Variants in ROBO1 observed in about 807,000 individuals in gnomAD.
ROBO1 encodes roundabout homolog 1.
A neutral mutation model predicts 195.9 loss-of-function variants in ROBO1; 149 were observed. That is an observed-to-expected ratio of 0.76 (90% CI 0.67 to 0.87). The LOEUF (loss-of-function observed/expected upper bound fraction) is 0.87, where lower values mean the gene tolerates loss of function less well. ROBO1 is among the 40% of genes least tolerant of loss of function. The pLI, the probability that ROBO1 is intolerant of heterozygous loss-of-function variation, is 0.00. For synonymous variants in ROBO1, 816 were observed against 733.2 expected (o/e 1.11, Z -1.82); for missense variants, 1,933 against 2,068.3 (o/e 0.93, Z 1.27).
intron 1 of ROBO1, among the ~76,000 whole-genome samples, chr3:79,645,672 C>T (rs1362786207): frequency 6.6e-6 from 1 of 151,962 alleles, no homozygotes; most frequent in Non-Finnish European, 1.5e-5. Flanking sequence ...CCAAAGCAAC[C>T]CTGAGCAAAA....
intron 2 of ROBO1, among the ~76,000 whole-genome samples, chr3:79,321,398 CT>C (rs1158791265): frequency 2.0e-5 from 3 of 152,178 alleles, no homozygotes; most frequent in Non-Finnish European, 4.4e-5. Context: ...TACATGCTAT[CT>C]TTTGTGCTCT....
At chr3:79,660,375 T>G (rs1946294730) in intron 1 of ROBO1, among the ~76,000 whole-genome samples, 1 of 152,126 alleles carries the variant, frequency 6.6e-6, no homozygotes, top group Non-Finnish European at 1.5e-5. Context: ...TACAAGGCTA[T>G]GTTTCCAGAA....
chr3:78,962,823 CAAAAAAAA>C (rs770515270), intron 3 of ROBO1, among the ~76,000 whole-genome samples: 30 of 26,218 alleles, frequency 1.1e-3, no homozygotes, highest in African/African-American at 3.2e-3. Context: ...GACTCCATCT[CAAAAAAAA>C]AAAAAAAAAA....
At chr3:79,145,031 C>T (rs552540321) in intron 2 of ROBO1, among the ~76,000 whole-genome samples, 1 of 151,920 alleles carries the variant, frequency 6.6e-6, no homozygotes, top group South Asian at 2.1e-4. Flanking sequence ...AAGATTATTG[C>T]TCTTGTACAT....
chr3:78,726,197 A>C (rs961989979), intron 5 of ROBO1, among the ~76,000 whole-genome samples: 5 of 152,198 alleles, frequency 3.3e-5, no homozygotes, highest in African/African-American at 1.2e-4. Flanking sequence ...TTTTACATGC[A>C]AAATCTGTGC....
chr3:79,339,844 G>A (rs773703445), intron 2 of ROBO1, among the ~76,000 whole-genome samples: 1 of 152,172 alleles, frequency 6.6e-6, no homozygotes, highest in Non-Finnish European at 1.5e-5. Flanking sequence ...CAACTCTGGA[G>A]TTATTTAAAA....
chr3:79,260,915 G>A (rs2082927316), intron 2 of ROBO1, among the ~76,000 whole-genome samples: 1 of 151,972 alleles, frequency 6.6e-6, no homozygotes, highest in Admixed American at 6.6e-5. Flanking sequence ...AGTGAACTCT[G>A]CTCAATTCTA....
intron 2 of ROBO1, among the ~76,000 whole-genome samples, chr3:79,313,352 C>G (rs1368820007): frequency 6.6e-6 from 1 of 152,114 alleles, no homozygotes; most frequent in South Asian, 2.1e-4. Context: ...GATTTAAAAG[C>G]CCCATCCTAT....
chr3:79,492,745 A>T (rs1192047728), intron 2 of ROBO1, among the ~76,000 whole-genome samples: 3 of 152,108 alleles, frequency 2.0e-5, no homozygotes, highest in Non-Finnish European at 2.9e-5. Flanking sequence ...ATGTATTAGC[A>T]TTGCATGAAT....
chr3:78,635,239 CA>C (rs1705424369), intron 23 of ROBO1, among the ~76,000 whole-genome samples: 1 of 152,044 alleles, frequency 6.6e-6, no homozygotes, highest in Non-Finnish European at 1.5e-5. Context: ...TCAGGTCAAC[CA>C]AGGAAATTTA....
At position 78,661,274 on chromosome 3, in the gene ROBO1, C is replaced by T. The variant is rs771147075; in HGVS notation, c.2089-13G>A. ...ACTGTTGATCTACCTATTAAAAAGA[C>T]AAGTAAAATGTAATTATTCATATTA... On this transcript the variant is annotated splice_polypyrimidine_tract_variant and intron_variant, in intron 15 of 30. Coordinates refer to ENST00000464233, the MANE Select transcript of ROBO1 (RefSeq NM_002941.4). 1.4e-6 allele frequency: 2 copies of T among 1,414,100 alleles called. No homozygotes were observed. The highest frequency in any genetic ancestry group is 3.0e-5 in the South Asian group (2 of 66,626). 87.6% of individuals were successfully genotyped at this position (1,414,100 alleles called of 1,614,324 possible). A position where few individuals can be genotyped will look rare whatever the true frequency, so the allele number is the denominator to read the frequency against.
At chr3:78,712,311 T>C (rs1221563934) in intron 8 of ROBO1, among the ~76,000 whole-genome samples, 4 of 152,164 alleles carry the variant, frequency 2.6e-5, no homozygotes, top group Non-Finnish European at 2.9e-5. Context: ...CGGAAAGTTT[T>C]TTAACAATAC....
chr3:78,634,937 ATGTC>A (rs1207179611), intron 23 of ROBO1, among the ~76,000 whole-genome samples: 1 of 152,130 alleles, frequency 6.6e-6, no homozygotes, highest in African/African-American at 2.4e-5. Context: ...CCTAAAGAAA[ATGTC>A]TATGTCTCCA....
At chr3:79,571,823 A>G (rs908437665) in intron 2 of ROBO1, among the ~76,000 whole-genome samples, 4 of 152,082 alleles carry the variant, frequency 2.6e-5, no homozygotes, top group Non-Finnish European at 4.4e-5. Context: ...CAACAGCACT[A>G]TAGTATCTAC....
intron 2 of ROBO1, among the ~76,000 whole-genome samples, chr3:79,125,977 T>C (rs2080208524): frequency 6.6e-6 from 1 of 152,088 alleles, no homozygotes; most frequent in Non-Finnish European, 1.5e-5. Flanking sequence ...TCCTGGCAAT[T>C]ACAGACTCCA....
intron 3 of ROBO1, among the ~76,000 whole-genome samples, chr3:78,967,403 A>C (rs528337465): frequency 4.9e-4 from 73 of 149,974 alleles, no homozygotes; most frequent in African/African-American, 1.0e-3. Flanking sequence ...TTCCAAGCCA[A>C]GCCTAGTTCC....
intron 2 of ROBO1, among the ~76,000 whole-genome samples, chr3:79,298,808 A>C (rs2032733212): frequency 6.6e-6 from 1 of 152,164 alleles, no homozygotes; most frequent in African/African-American, 2.4e-5. Flanking sequence ...TATATTACTG[A>C]AGGAATTTAC....
chr3:78,739,676 T>C (rs1461071951), intron 5 of ROBO1, among the ~76,000 whole-genome samples: 2 of 152,154 alleles, frequency 1.3e-5, no homozygotes, highest in African/African-American at 4.8e-5. Flanking sequence ...GTGTCATCTT[T>C]TAAAAAACTA....
chr3:78,747,212 A>G (rs941993374), intron 4 of ROBO1, among the ~76,000 whole-genome samples: 20 of 152,006 alleles, frequency 1.3e-4, no homozygotes, highest in African/African-American at 4.3e-4. Flanking sequence ...TGCTGCCTAC[A>G]TTTTTCTCAG....
Sources: gnomAD v4.1 joint callset for allele counts (sites outside exome capture counted in the v4.1 genomes callset) on GRCh38, gnomAD v4.1.1 for gene constraint, MANE v1.5 for transcripts, NCBI Gene and HGNC (gene_info 2026-07-23, HGNC 2026-07-21) for gene names.